SSTR2: variants seen among roughly 807,000 people sequenced by gnomAD.
The protein encoded by SSTR2 is somatostatin receptor 2.
SSTR2 carries 10 observed loss-of-function variants against 21.4 expected under a neutral mutation model. The observed-to-expected ratio is 0.47, with a 90% CI of 0.29 to 0.79. The LOEUF is 0.79. SSTR2 is among the 30% of genes least tolerant of loss of function. The pLI is 0.10. For synonymous variants in SSTR2, 177 were observed against 181.3 expected, an observed-to-expected ratio of 0.98 and a Z score of 0.19; for missense variants, 364 against 468.8, an observed-to-expected ratio of 0.78 and a Z score of 2.06.
rs545603445 is a variant in SSTR2 at position 73,171,516 on chromosome 17, T to C, written c.*1087T>C. 61 of 166,980 alleles carry C rather than the reference T, an allele frequency of 3.7e-4. No individual in the cohort carries two copies. Among genetic ancestry groups the C allele is most frequent in the African/African-American group, 1.4e-3 (60 of 41,556 alleles). 10.3% of individuals were successfully genotyped at this position (166,980 alleles called of 1,614,324 possible). A position where few individuals can be genotyped will look rare whatever the true frequency, so the allele number is the denominator to read the frequency against. ...CTTTATGAGAAACCATAAAATTGTT[T>C]TTATTTTTCAGGCCAGACATAGCTT... On this transcript the variant is annotated 3_prime_UTR_variant, in exon 2 of 2. Transcript: ENST00000357585.
rs1236576540 is a variant in SSTR2 at position 73,169,941 on chromosome 17, T to C, written c.622T>C (p.Phe208Leu). 1.2e-6 allele frequency: 2 copies of C among 1,606,964 alleles called. No homozygotes were observed. The highest frequency in any genetic ancestry group is 1.7e-6 in the Non-Finnish European group (2 of 1,175,570). ...PGESGAWYTGFIIYTFILGFL... is the reference protein window; with the variant it reads ...PGESGAWYTGLIIYTFILGFL... ...TGAATCTGGGGCTTGGTACACAGGG[T>C]TCATCATCTACACTTTCATTCTGGG... Residue 208 changes from phenylalanine (F) to leucine (L), a missense_variant, in exon 2 of 2, where the codon TTC becomes CTC. By Grantham distance (22) the Phe-to-Leu change is conservative. Transcript: ENST00000357585. This position sits in a 1 kb window ranked among gnomAD's most constrained non-coding sequence, Gnocchi z 5.2.
rs944548612 is a variant in SSTR2, at chr17:73,176,082, A to G, written c.*5653A>G. 4 of 152,110 alleles carry G rather than the reference A, an allele frequency of 2.6e-5. No individual in the cohort carries two copies. Among genetic ancestry groups the G allele is most frequent in the Non-Finnish European group, 5.9e-5 (4 of 68,034 alleles). The allele number at this position is 152,110 out of a possible 1,614,324, so 9.4% of individuals were successfully genotyped here. On this transcript the variant is annotated 3_prime_UTR_variant, in exon 2 of 2. Transcript: ENST00000357585. The stretch of plus-strand genomic sequence containing the variant: ...ACCCCGAAGGAAATCTGCTTGTCTT[A>G]AGAGAGGAAGACCCACGACCAGCTC...
rs375201201 is a variant in SSTR2, at chr17:73,169,896, T to A, written c.577T>A (p.Cys193Ser). ...LRSNQWGRSS[C>S]TINWPGESGA... ...GAGCAACCAGTGGGGGAGAAGCAGCTGCACCATCAACTGGCCAGGTGAATC... is the reference window on the plus strand; with the variant it reads ...GAGCAACCAGTGGGGGAGAAGCAGCAGCACCATCAACTGGCCAGGTGAATC... Residue 193 changes from cysteine to serine, a missense_variant, in exon 2 of 2, where the codon TGC (cysteine) becomes AGC (serine). Around this residue, in one of 4 missense-constraint regions of SSTR2, gnomAD observed 193 missense variants for 273.1 expected, o/e 0.71. Coordinates refer to ENST00000357585, the MANE Select transcript of SSTR2 (RefSeq NM_001050.3). The surrounding 1 kb of genome is among the most constrained non-coding windows in gnomAD (Gnocchi z 5.2). 1.9e-6 allele frequency: 3 copies of A among 1,610,912 alleles called. No individual in the cohort carries two copies. Among genetic ancestry groups the A allele is most frequent in the Non-Finnish European group, 2.5e-6 (3 of 1,177,590 alleles).
At position 73,170,165 on chromosome 17, in the gene SSTR2, G is replaced by A. The variant is rs34299231; in HGVS notation, c.846G>A (p.Met282Ile). ...TATTCAACGTTTCTTCCGTCTCCAT[G>A]GCCATCAGCCCCACCCCAGCCCTTA... ...FYIFNVSSVSMAISPTPALKG... is the reference protein window; with the variant it reads ...FYIFNVSSVSIAISPTPALKG... Residue 282 changes from methionine (M) to isoleucine (I), a missense_variant, in exon 2 of 2, where the codon ATG (methionine) becomes ATA (isoleucine). Physicochemically the swap from Met to Ile is conservative, Grantham distance 10 (BLOSUM62 1). Transcript: ENST00000357585. 1.2e-4 allele frequency: 199 copies of A among 1,614,092 alleles called. No individual in the cohort carries two copies. In the African/African-American group the frequency reaches 2.3e-3, roughly 19 times the overall value.
At position 73,170,870 on chromosome 17, in the gene SSTR2, T is replaced by G. The variant is rs937146066; in HGVS notation, c.*441T>G. 2.5e-6 allele frequency: 1 copy of G among 397,438 alleles called. No homozygotes were observed. Among genetic ancestry groups the G allele is most frequent in the South Asian group, 2.0e-5 (1 of 50,990 alleles). 24.6% of individuals were successfully genotyped at this position (397,438 alleles called of 1,614,324 possible). ...CATACACAAGTAGCAAATTCGAGTA[T>G]GCATAGTGTAGATGGACATTTGCCA... On this transcript the variant is annotated 3_prime_UTR_variant, in exon 2 of 2. Transcript: ENST00000357585.
intron 1 of SSTR2, among the ~76,000 whole-genome samples, chr17:73,165,855 A>C (rs1046583700): frequency 2.0e-5 from 3 of 151,436 alleles, no homozygotes; most frequent in Non-Finnish European, 4.4e-5. Flanking sequence ...TTGGAGAGAA[A>C]AAACCACTGC....
At position 73,176,255 on chromosome 17, in the gene SSTR2, T is replaced by C. The variant is rs1441654544; in HGVS notation, c.*5826T>C. On this transcript the variant is annotated 3_prime_UTR_variant, in exon 2 of 2. Transcript: ENST00000357585. The stretch of plus-strand genomic sequence containing the variant: ...CATTGCTGAGTACGCTGATATCTTT[T>C]TCATGGGTATGATTTTTTAACAAGA... 1 of 152,230 alleles carries C rather than the reference T, an allele frequency of 6.6e-6. No individual in the cohort carries two copies. The highest frequency in any genetic ancestry group is 2.4e-5 in the African/African-American group (1 of 41,448). 9.4% of individuals were successfully genotyped at this position (152,230 alleles called of 1,614,324 possible).
Position 73,165,295 on chromosome 17 carries a change from GGTGTGTGTGTGTGTGTGTGTGTGTGTGT to G in SSTR2, c.-93+21_-93+48del, listed in dbSNP as rs369726309. 1,409 of 132,458 alleles carry G rather than the reference GGTGTGTGTGTGTGTGTGTGTGTGTGTGT, an allele frequency of 0.011. 47 individuals carry two copies. The highest frequency in any genetic ancestry group is 0.049 in the Admixed American group (667 of 13,560). The allele number at this position is 132,458 out of a possible 1,614,324, so 8.2% of individuals were successfully genotyped here. A position where few individuals can be genotyped will look rare whatever the true frequency, so the allele number is the denominator to read the frequency against. On this transcript the variant is annotated splice_region_variant and intron_variant, in intron 1 of 1. Coordinates refer to ENST00000357585, the MANE Select transcript of SSTR2 (RefSeq NM_001050.3). ...TTGCAGCGGAAAAGCAAAGGTGAGG[GGTGTGTGTGTGTGTGTGTGTGTGTGTGT>G]GTGTGTGTGTGTGATAAGAGAGATG...
rs1488091297 is a variant in SSTR2, at chr17:73,172,922, G to C, written c.*2493G>C. 2.0e-5 allele frequency: 3 copies of C among 152,216 alleles called. No homozygotes were observed. The highest frequency in any genetic ancestry group is 3.8e-4 in the East Asian group (2 of 5,200). The allele number at this position is 152,216 out of a possible 1,614,324, so 9.4% of individuals were successfully genotyped here. On this transcript the variant is annotated 3_prime_UTR_variant, in exon 2 of 2. Coordinates refer to ENST00000357585, the MANE Select transcript of SSTR2 (RefSeq NM_001050.3). Reference sequence around the variant, plus strand: ...CAAGGCAGAGAAGACTAATTCTACAGGCCGGGCGTGGTGGCTTATGCCTGT... The same window carrying C: ...CAAGGCAGAGAAGACTAATTCTACACGCCGGGCGTGGTGGCTTATGCCTGT...
intron 1 of SSTR2, 47 bp downstream of exon 1, chr17:73,165,335 T>A (rs12150175): frequency 0.1 from 14,566 of 141,568 alleles, 908 homozygotes; most frequent in Middle Eastern, 0.17. Flanking sequence ...TGTGTGTGTG[T>A]GATAAGAGAG....
At position 73,169,420 on chromosome 17, in the gene SSTR2, C is replaced by T; in HGVS notation, c.101C>T (p.Thr34Ile). The T allele has an allele frequency of 6.2e-7, 1 of 1,614,258 alleles. No individual in the cohort carries two copies. Among genetic ancestry groups the T allele is most frequent in the Non-Finnish European group, 8.5e-7 (1 of 1,180,048 alleles). The change falls in exon 2 of 2, where the codon ACA (threonine) becomes ATA (isoleucine). Residue 34 changes from threonine (T) to isoleucine (I), a missense_variant. Coordinates refer to ENST00000357585, the MANE Select transcript of SSTR2 (RefSeq NM_001050.3). The surrounding 1 kb of genome is among the most constrained non-coding windows in gnomAD (Gnocchi z 5.2). Reference sequence around the variant, plus strand: ...GTGTCAACCAACACCTCAAACCAGACAGAGCCGTACTATGACCTGACAAGC... The same window carrying T: ...GTGTCAACCAACACCTCAAACCAGATAGAGCCGTACTATGACCTGACAAGC... ...SVVSTNTSNQ[T>I]EPYYDLTSNA...
chr17:73,169,671 G>A lies in SSTR2; in HGVS notation c.352G>A (p.Val118Ile), dbSNP rs1192729388. The A allele has an allele frequency of 9.9e-6, 16 of 1,614,120 alleles. No homozygotes were observed. The highest frequency in any genetic ancestry group is 1.4e-5 in the Non-Finnish European group (16 of 1,180,048). ...CTTTGGCAAGGCCATTTGCCGGGTG[G>A]TCATGACTGTGGATGGCATCAATCA... ...WPFGKAICRV[V>I]MTVDGINQFT... The change falls in exon 2 of 2, where the codon GTC (valine) becomes ATC (isoleucine). Residue 118 changes from valine (V) to isoleucine (I), a missense_variant. Transcript: ENST00000357585. This position sits in a 1 kb window ranked among gnomAD's most constrained non-coding sequence, Gnocchi z 5.2.
intron 1 of SSTR2, among the ~76,000 whole-genome samples, chr17:73,166,305 G>T (rs1016599032): frequency 3.3e-5 from 5 of 152,222 alleles, no homozygotes; most frequent in African/African-American, 9.6e-5. Context: ...TGAGGGAGGC[G>T]GGGGGTGGGA....
intron 1 of SSTR2, among the ~76,000 whole-genome samples, chr17:73,168,741 G>T (rs927548649): frequency 6.6e-6 from 1 of 152,204 alleles, no homozygotes; most frequent in South Asian, 2.1e-4. Context: ...GGTCACACGG[G>T]CTCAGCAGTG....
Position 73,169,460 on chromosome 17 carries a change from A to G in SSTR2, c.141A>G (p.Thr47=), listed in dbSNP as rs2061226431. The change falls in exon 2 of 2, where the codon ACA becomes ACG. Residue 47 remains threonine (T), a synonymous_variant. Coordinates refer to ENST00000357585, the MANE Select transcript of SSTR2 (RefSeq NM_001050.3). The surrounding 1 kb of genome is among the most constrained non-coding windows in gnomAD (Gnocchi z 5.2). ...YYDLTSNAVL[T]FIYFVVCIIG... ...ACCTGACAAGCAATGCAGTCCTCACATTCATCTATTTTGTGGTCTGCATCA... is the reference window on the plus strand; with the variant it reads ...ACCTGACAAGCAATGCAGTCCTCACGTTCATCTATTTTGTGGTCTGCATCA... The G allele has an allele frequency of 6.2e-7, 1 of 1,614,220 alleles. No homozygotes were observed. The highest frequency in any genetic ancestry group is 1.1e-5 in the South Asian group (1 of 91,084).
chr17:73,170,733 T>C lies in SSTR2; in HGVS notation c.*304T>C. 2 of 548,528 alleles carry C rather than the reference T, an allele frequency of 3.6e-6. No homozygotes were observed. Among genetic ancestry groups the C allele is most frequent in the Non-Finnish European group, 7.2e-6 (2 of 279,376 alleles). 34.0% of individuals were successfully genotyped at this position (548,528 alleles called of 1,614,324 possible). A position where few individuals can be genotyped will look rare whatever the true frequency, so the allele number is the denominator to read the frequency against. On this transcript the variant is annotated 3_prime_UTR_variant, in exon 2 of 2. Coordinates refer to ENST00000357585, the MANE Select transcript of SSTR2 (RefSeq NM_001050.3). The stretch of plus-strand genomic sequence containing the variant: ...AACAACAAAAATAGAAAAAAATAAG[T>C]ATCTGTGTGTTTGTGTATTGAAAAC...
Position 73,170,638 on chromosome 17 carries a change from G to A in SSTR2, c.*209G>A, listed in dbSNP as rs1356142220. On this transcript the variant is annotated 3_prime_UTR_variant, in exon 2 of 2. Transcript: ENST00000357585. ...AAATTGATTACCTCCCCCTTAAAGC[G>A]AACACTGAAATGCAGGTAGACAATT... 8 of 724,104 alleles carry A rather than the reference G, an allele frequency of 1.1e-5. No individual in the cohort carries two copies. The highest frequency in any genetic ancestry group is 4.5e-5 in the South Asian group (3 of 67,140). 44.9% of individuals were successfully genotyped at this position (724,104 alleles called of 1,614,324 possible). A position where few individuals can be genotyped will look rare whatever the true frequency, so the allele number is the denominator to read the frequency against.
Position 73,171,616 on chromosome 17 carries a change from G to T in SSTR2, c.*1187G>T, listed in dbSNP as rs12936744. Reference sequence around the variant, plus strand: ...TTTAGAGGACTTCATACAAAGCTGGGCATTAAGAAAACCACAATGCATGGC... The same window carrying T: ...TTTAGAGGACTTCATACAAAGCTGGTCATTAAGAAAACCACAATGCATGGC... On this transcript the variant is annotated 3_prime_UTR_variant, in exon 2 of 2. Transcript: ENST00000357585. The T allele has an allele frequency of 0.096, 15,997 of 166,654 alleles. 842 individuals carry two copies. Among genetic ancestry groups the T allele is most frequent in the Admixed American group, 0.11 (1,630 of 15,262 alleles). The allele number at this position is 166,654 out of a possible 1,614,324, so 10.3% of individuals were successfully genotyped here.
In SSTR2 at chr17:73,170,999, C is replaced by A; in HGVS notation, c.*570C>A. The A allele has an allele frequency of 3.6e-6, 1 of 280,444 alleles. No individual in the cohort carries two copies. The highest frequency in any genetic ancestry group is 4.3e-5 in the South Asian group (1 of 23,402). The allele number at this position is 280,444 out of a possible 1,614,324, so 17.4% of individuals were successfully genotyped here. The stretch of plus-strand genomic sequence containing the variant: ...TGCCAAGGCCCAGGAGGGACTTGGG[C>A]AGTATGTTCATGTGGTCATATGTTT... On this transcript the variant is annotated 3_prime_UTR_variant, in exon 2 of 2. Coordinates refer to ENST00000357585, the MANE Select transcript of SSTR2 (RefSeq NM_001050.3).
Sources: gnomAD v4.1 joint callset for allele counts (sites outside exome capture counted in the v4.1 genomes callset) on GRCh38, gnomAD v4.1.1 for gene constraint, gnomAD v4.1.1 regional missense constraint, Gnocchi (gnomAD v3.1) non-coding constraint, MANE v1.5 for transcripts, NCBI Gene and HGNC (gene_info 2026-07-23, HGNC 2026-07-21) for gene names.